The following PSME4 variants were observed in gnomAD, a reference collection of about 807,000 sequenced individuals.
The protein encoded by PSME4 is proteasome activator complex subunit 4.
In PSME4, 89 loss-of-function variants were observed where a neutral mutation model predicts 253.9. The observed-to-expected ratio is 0.35, with a 90% CI of 0.30 to 0.42. The LOEUF is 0.42. PSME4 is among the 10% of genes least tolerant of loss of function. The pLI is 1.00. For missense variants in PSME4, 2,014 were observed against 2,195.2 expected, an observed-to-expected ratio of 0.92 and a Z score of 1.65; for synonymous variants, 851 against 759.2, an observed-to-expected ratio of 1.12 and a Z score of -1.99.
intron 44 of PSME4, among the ~76,000 whole-genome samples, chr2:53,868,400 T>C (rs558764428): frequency 7.2e-4 from 108 of 150,168 alleles, no homozygotes; most frequent in African/African-American, 2.3e-3. Flanking sequence ...TGCAGGGGGC[T>C]GAGATCATGC....
intron 20 of PSME4, among the ~76,000 whole-genome samples, chr2:53,912,306 A>C (rs1267011606): frequency 6.6e-6 from 1 of 152,148 alleles, no homozygotes; most frequent in Non-Finnish European, 1.5e-5. Flanking sequence ...CCCTAACTTC[A>C]CCAAGGGAAG....
Position 53,897,959 on chromosome 2 carries a change from G to C in PSME4, c.3517C>G (p.Leu1173Val). The C allele has an allele frequency of 6.2e-7, 1 of 1,613,514 alleles. No homozygotes were observed. Among genetic ancestry groups the C allele is most frequent in the Non-Finnish European group, 8.5e-7 (1 of 1,179,526 alleles). Residue 1173 changes from leucine to valine, a missense_variant, in exon 31 of 47, where the codon CTA (leucine) becomes GTA (valine). Coordinates refer to ENST00000404125, the MANE Select transcript of PSME4 (RefSeq NM_014614.3). ...AACACTCGGTCATCTCTCAGCAGTA[G>C]AGACAGAAGCCCAATGCCTATATGT... ...FEHIGIGLLSLLLRDDRVLPL... is the reference protein window; with the variant it reads ...FEHIGIGLLSVLLRDDRVLPL...
chr2:53,875,372 T>C (rs894307122), intron 42 of PSME4, among the ~76,000 whole-genome samples: 1 of 152,194 alleles, frequency 6.6e-6, no homozygotes. Context: ...GCACTTTTTA[T>C]CCAAAGCACT....
At chr2:53,896,058 CA>C (rs1680123346) in intron 32 of PSME4, among the ~76,000 whole-genome samples, 2 of 151,838 alleles carry the variant, frequency 1.3e-5, no homozygotes, top group South Asian at 4.1e-4. Flanking sequence ...TTACAGAGCT[CA>C]AAAAATTCCC....
At chr2:53,915,371 T>C (rs1668012929) in intron 20 of PSME4, among the ~76,000 whole-genome samples, 1 of 151,618 alleles carries the variant, frequency 6.6e-6, no homozygotes, top group South Asian at 2.1e-4. Context: ...GCCCAGGAGA[T>C]GAAGGGAGCA....
chr2:53,957,255 A>G (rs1670278064), intron 1 of PSME4, among the ~76,000 whole-genome samples: 1 of 152,184 alleles, frequency 6.6e-6, no homozygotes, highest in Non-Finnish European at 1.5e-5. Context: ...TGGCGGGGGT[A>G]GTTTTGGGAT....
At chr2:53,887,547 A>C (rs2104423388) in intron 39 of PSME4, 80 bp from the exon 40 acceptor site, 1 of 1,272,104 alleles carries the variant, frequency 7.9e-7, no homozygotes, top group East Asian at 2.5e-5. Context: ...TGACCCAATC[A>C]AAGTAAACTG....
rs1680391020 is a variant in PSME4 at position 53,901,366 on chromosome 2, A to G, written c.3269T>C (p.Ile1090Thr). The G allele has an allele frequency of 6.2e-7, 1 of 1,613,344 alleles. No homozygotes were observed. Among genetic ancestry groups the G allele is most frequent in the Non-Finnish European group, 8.5e-7 (1 of 1,179,338 alleles). The change falls in exon 28 of 47, where the codon ATT becomes ACT. Residue 1090 changes from isoleucine (I) to threonine (T), a missense_variant. Physicochemically the swap from Ile to Thr is moderately conservative, Grantham distance 89. Around this residue, in one of 4 missense-constraint regions of PSME4, gnomAD observed 989 missense variants for 1,021.1 expected, o/e 0.97. Coordinates refer to ENST00000404125, the MANE Select transcript of PSME4 (RefSeq NM_014614.3). Reference protein sequence around the residue: ...AEKIHRQYETIGLDFTIPKSC... With the variant: ...AEKIHRQYETTGLDFTIPKSC... ...ATTGCTTACTGTGAAGTCCAAGCCA[A>G]TTGTTTCATACTGCCTATGAATCTT...
intron 9 of PSME4, among the ~76,000 whole-genome samples, chr2:53,932,412 G>C: frequency 6.6e-6 from 1 of 152,072 alleles, no homozygotes. Context: ...TGAAAAGATG[G>C]TTCTATGCTT....
At chr2:53,919,413 T>C (rs1668201310) in intron 19 of PSME4, among the ~76,000 whole-genome samples, 167 bp from the exon 20 acceptor site, 1 of 152,202 alleles carries the variant, frequency 6.6e-6, no homozygotes, top group Non-Finnish European at 1.5e-5. Flanking sequence ...TAAATATATA[T>C]TTATTGCTAA....
At chr2:53,944,112 G>A (rs1020051731) in intron 3 of PSME4, among the ~76,000 whole-genome samples, 4 of 152,038 alleles carry the variant, frequency 2.6e-5, no homozygotes, top group African/African-American at 4.8e-5. Context: ...CTGTAGCACA[G>A]AAACAACTTT....
intron 3 of PSME4, among the ~76,000 whole-genome samples, chr2:53,943,243 T>C (rs1271483322): frequency 6.6e-6 from 1 of 152,234 alleles, no homozygotes; most frequent in Non-Finnish European, 1.5e-5. Context: ...TTTTCATAAA[T>C]GAACTGGTTT....
chr2:53,890,263 T>C (rs1679845918), intron 36 of PSME4, 55 bp from the exon 37 acceptor site: 2 of 1,196,966 alleles, frequency 1.7e-6, no homozygotes, highest in African/African-American at 1.5e-5. Flanking sequence ...ACATTTTTCT[T>C]CAAATATCTT....
intron 42 of PSME4, 48 bp from the exon 43 acceptor site, chr2:53,874,542 C>T: frequency 1.3e-6 from 2 of 1,527,640 alleles, no homozygotes; most frequent in African/African-American, 1.4e-5. Context: ...CTGACAAGAA[C>T]ATGAGATGAC....
chr2:53,922,536 T>A lies in PSME4; in HGVS notation c.2027A>T (p.Asn676Ile). The A allele has an allele frequency of 6.2e-7, 1 of 1,612,922 alleles. No homozygotes were observed. The highest frequency in any genetic ancestry group is 8.5e-7 in the Non-Finnish European group (1 of 1,179,554). ...CAATACCTCAGACAAAAGTTGAAGA[T>A]TCCATAGTAATTCCTTGTCTAGCTC... ...DEELDKELLWNLQLLSEITRV... is the reference protein window; with the variant it reads ...DEELDKELLWILQLLSEITRV... Residue 676 changes from asparagine to isoleucine, a missense_variant, in exon 17 of 47, where the codon AAT becomes ATT. Asn to Ile is a moderately radical substitution (Grantham distance 149). Coordinates refer to ENST00000404125, the MANE Select transcript of PSME4 (RefSeq NM_014614.3).
intron 1 of PSME4, among the ~76,000 whole-genome samples, chr2:53,950,794 G>A (rs1403679861): frequency 2.7e-5 from 4 of 148,578 alleles, no homozygotes; most frequent in African/African-American, 9.9e-5. Flanking sequence ...TGAGCCAAGA[G>A]TGTGCCGTTG....
At chr2:53,968,185 G>C (rs758517899) in intron 1 of PSME4, among the ~76,000 whole-genome samples, 1 of 149,162 alleles carries the variant, frequency 6.7e-6, no homozygotes, top group Non-Finnish European at 1.5e-5. Context: ...TGAGGCAGGA[G>C]AATCGCTTGA....
At chr2:53,956,077 G>A (rs1184677125) in intron 1 of PSME4, among the ~76,000 whole-genome samples, 2 of 152,124 alleles carry the variant, frequency 1.3e-5, no homozygotes, top group African/African-American at 4.8e-5. Flanking sequence ...GAGCCCAGGA[G>A]CTTGAGACCA....
At chr2:53,952,414 C>T (rs1013514887) in intron 1 of PSME4, among the ~76,000 whole-genome samples, 12 of 152,058 alleles carry the variant, frequency 7.9e-5, no homozygotes, top group East Asian at 7.7e-4. Context: ...TGGTGGTGCG[C>T]GCCTCTAATC....
Sources: gnomAD v4.1 joint callset for allele counts (sites outside exome capture counted in the v4.1 genomes callset) on GRCh38, gnomAD v4.1.1 for gene constraint, gnomAD v4.1.1 regional missense constraint, MANE v1.5 for transcripts, NCBI Gene and HGNC (gene_info 2026-07-23, HGNC 2026-07-21) for gene names.